Variants in ADCK1 observed in about 807,000 individuals in gnomAD.
ADCK1 encodes the protein aarF domain containing kinase 1.
In ADCK1, 41 loss-of-function variants were observed where a neutral mutation model predicts 52.3. The observed-to-expected ratio is 0.78, with a 90% CI of 0.61 to 1.02. The LOEUF is 1.02. Ranked by LOEUF, ADCK1 falls within the 50% of genes least tolerant of loss-of-function variation. ADCK1 has a pLI of 0.00. For synonymous variants in ADCK1, 250 were observed against 274.6 expected (o/e 0.91, Z 0.89); for missense variants, 658 against 679.5 (o/e 0.97, Z 0.35).
chr14:77,820,441 G>C (rs1265436522), intron 2 of ADCK1, among the ~76,000 whole-genome samples: 1 of 151,522 alleles, frequency 6.6e-6, no homozygotes, highest in East Asian at 1.9e-4. Flanking sequence ...AGAGATCCTC[G>C]TGCCTCAGAT....
intron 9 of ADCK1, among the ~76,000 whole-genome samples, chr14:77,930,144 G>C (rs1448448492): frequency 6.6e-6 from 1 of 152,172 alleles, no homozygotes; most frequent in Non-Finnish European, 1.5e-5. Context: ...CTGAGAGGGG[G>C]GTCCCTGTGG....
At chr14:77,816,886 A>ATATATATATATATATG (rs2081464598) in intron 1 of ADCK1, among the ~76,000 whole-genome samples, 1 of 143,008 alleles carries the variant, frequency 7.0e-6, no homozygotes, top group Non-Finnish European at 1.5e-5. Context: ...TGGTAAATAT[A>ATATATATATATATATG]TATATATATA....
At chr14:77,897,574 A>G (rs529727790) in intron 5 of ADCK1, among the ~76,000 whole-genome samples, 2 of 152,326 alleles carry the variant, frequency 1.3e-5, no homozygotes, top group African/African-American at 4.8e-5. Context: ...TCATCACTCA[A>G]GAATCCACAG....
intron 7 of ADCK1, among the ~76,000 whole-genome samples, chr14:77,918,385 C>T (rs1566734508): frequency 6.6e-6 from 1 of 152,284 alleles, no homozygotes; most frequent in Non-Finnish European, 1.5e-5. Context: ...GTGTGTCTGC[C>T]TTAATCGTCT....
chr14:77,833,153 C>A (rs1047039797), intron 3 of ADCK1, among the ~76,000 whole-genome samples: 3 of 152,180 alleles, frequency 2.0e-5, no homozygotes, highest in Admixed American at 6.5e-5. Flanking sequence ...TTCTCCTGAT[C>A]CCTGACAGCA....
chr14:77,909,819 A>G (rs2083752605), intron 7 of ADCK1, among the ~76,000 whole-genome samples: 1 of 152,112 alleles, frequency 6.6e-6, no homozygotes, highest in South Asian at 2.1e-4. Flanking sequence ...TTGCATGCCT[A>G]ACTTCCCTGT....
intron 1 of ADCK1, among the ~76,000 whole-genome samples, chr14:77,800,373 G>A (rs1313746687): frequency 6.6e-6 from 1 of 152,246 alleles, no homozygotes; most frequent in Non-Finnish European, 1.5e-5. Context: ...CACGTGGCTC[G>A]GGTGACTCGC....
In ADCK1 at chr14:77,933,314, A is replaced by G. The variant is rs943593549; in HGVS notation, c.1495A>G (p.Ile499Val). The G allele has an allele frequency of 5.6e-6, 9 of 1,613,864 alleles. No individual in the cohort carries two copies. The highest frequency in any genetic ancestry group is 1.3e-5 in the African/African-American group (1 of 75,014). ...ATGGCAGATCAACCTCCATGAGCTC[A>G]TCCTGCGTGTGAAGGGGTTGAAGCT... is the stretch of plus-strand genomic sequence containing the variant. ...NLWQINLHELILRVKGLKLAD... is the reference protein window; with the variant it reads ...NLWQINLHELVLRVKGLKLAD... Residue 499 changes from isoleucine (I) to valine (V), a missense_variant, in exon 11 of 11, where the codon ATC becomes GTC. Coordinates refer to ENST00000238561, the MANE Select transcript of ADCK1 (RefSeq NM_020421.4).
chr14:77,837,138 C>G (rs1487907676), intron 3 of ADCK1, among the ~76,000 whole-genome samples: 1 of 140,984 alleles, frequency 7.1e-6, no homozygotes, highest in Non-Finnish European at 1.5e-5. Flanking sequence ...CCAGGATGAT[C>G]TCATCTTAAA....
chr14:77,876,203 T>C (rs1479633479), intron 4 of ADCK1, among the ~76,000 whole-genome samples: 1 of 152,146 alleles, frequency 6.6e-6, no homozygotes, highest in African/African-American at 2.4e-5. Flanking sequence ...CTAGGGGAGA[T>C]TCCCTTTTCT....
intron 2 of ADCK1, among the ~76,000 whole-genome samples, chr14:77,822,203 T>G (rs1432292749): frequency 1.3e-5 from 2 of 152,162 alleles, no homozygotes; most frequent in Non-Finnish European, 2.9e-5. Context: ...ATGTTTCAGG[T>G]AAGAGGGGCA....
At chr14:77,845,464 C>G (rs1304848686) in intron 3 of ADCK1, among the ~76,000 whole-genome samples, 1 of 152,076 alleles carries the variant, frequency 6.6e-6, no homozygotes, top group Non-Finnish European at 1.5e-5. Flanking sequence ...GCTCTGTCAC[C>G]TAGGCTGGAG....
intron 4 of ADCK1, among the ~76,000 whole-genome samples, chr14:77,863,853 A>AT (rs1174049145): frequency 1.3e-5 from 2 of 152,060 alleles, no homozygotes; most frequent in East Asian, 3.8e-4. Flanking sequence ...AAAAAAAAAA[A>AT]GAAATGGTCC....
At chr14:77,893,327 G>A (rs1467776295) in intron 5 of ADCK1, among the ~76,000 whole-genome samples, 1 of 152,048 alleles carries the variant, frequency 6.6e-6, no homozygotes, top group Admixed American at 6.5e-5. Context: ...GGAGCTTAGC[G>A]GGCCATATCT....
At position 77,924,347 on chromosome 14, in the gene ADCK1, C is replaced by T. The variant is rs186475998; in HGVS notation, c.859-110C>T. ...TCCCACCACAACCGCTCCGGCCCAC[C>T]GATTTTCTCTGGCCTCCCCTTAAAA... On this transcript the variant is annotated intron_variant, in intron 7 of 10. Coordinates refer to ENST00000238561, the MANE Select transcript of ADCK1 (RefSeq NM_020421.4). The T allele has an allele frequency of 6.7e-5, 96 of 1,428,214 alleles. 1 individual carries two copies. The East Asian group carries it at 9.7e-4, about 14-fold the overall frequency. 88.5% of individuals were successfully genotyped at this position (1,428,214 alleles called of 1,614,324 possible). A position where few individuals can be genotyped will look rare whatever the true frequency, so the allele number is the denominator to read the frequency against.
intron 5 of ADCK1, among the ~76,000 whole-genome samples, chr14:77,895,725 G>T (rs765114570): frequency 6.6e-6 from 1 of 152,132 alleles, no homozygotes; most frequent in Non-Finnish European, 1.5e-5. Flanking sequence ...GTCTAAAATG[G>T]CAGCAGCCCG....
intron 3 of ADCK1, among the ~76,000 whole-genome samples, chr14:77,847,368 C>T (rs1368568308): frequency 1.3e-5 from 2 of 152,108 alleles, no homozygotes; most frequent in Non-Finnish European, 2.9e-5. Flanking sequence ...GTCAGGCGTT[C>T]GAGATCAGCC....
At chr14:77,841,327 T>C (rs1250053568) in intron 3 of ADCK1, among the ~76,000 whole-genome samples, 1 of 152,044 alleles carries the variant, frequency 6.6e-6, no homozygotes, top group Non-Finnish European at 1.5e-5. Context: ...AACCCCATGC[T>C]GTATGGACCA....
rs563752637 is a variant in ADCK1 at position 77,873,769 on chromosome 14, G to T, written c.424-13322G>T. On this transcript the variant is annotated intron_variant, in intron 4 of 10. Coordinates refer to ENST00000238561, the MANE Select transcript of ADCK1 (RefSeq NM_020421.4). Reference sequence around the variant, plus strand: ...CCGCCATGTGAAGAAGGAAGTGTTTGCTTCCCCTTCTGCCACAATTGTTAG... The same window carrying T: ...CCGCCATGTGAAGAAGGAAGTGTTTTCTTCCCCTTCTGCCACAATTGTTAG... 2.6e-5 allele frequency among the ~76,000 whole-genome samples: 4 copies of T among 152,300 alleles called. No individual in the cohort carries two copies. In the South Asian group the frequency reaches 8.3e-4, roughly 32 times the overall value.
Sources: gnomAD v4.1 joint callset for allele counts (sites outside exome capture counted in the v4.1 genomes callset) on GRCh38, gnomAD v4.1.1 for gene constraint, MANE v1.5 for transcripts, NCBI Gene and HGNC (gene_info 2026-07-23, HGNC 2026-07-21) for gene names.